Variants in NUP42 observed in about 807,000 individuals in gnomAD.
NUP42 encodes the protein nucleoporin NUP42.
NUP42 carries 47 observed loss-of-function variants against 35.9 expected under a neutral mutation model. That is an observed-to-expected ratio of 1.31 (90% CI 1.04 to 1.67). The LOEUF is 1.67. Ranked by LOEUF, NUP42 falls within the 40% of genes most tolerant of loss-of-function variation. The pLI, the probability that NUP42 is intolerant of heterozygous loss-of-function variation, is 0.00. For missense variants in NUP42, 514 were observed against 492.2 expected, an observed-to-expected ratio of 1.04 and a Z score of -0.42; for synonymous variants, 173 against 173.3, an observed-to-expected ratio of 1.00 and a Z score of 0.01.
chr7:23,200,338 G>A lies in NUP42; in HGVS notation c.865G>A (p.Gly289Arg), dbSNP rs1183806091. 6.2e-7 allele frequency: 1 copy of A among 1,610,530 alleles called. No individual in the cohort carries two copies. Residue 289 changes from glycine (G) to arginine (R), a missense_variant, in exon 7 of 7, where the codon GGA (glycine) becomes AGA (arginine). Gly to Arg is a moderately radical substitution (Grantham distance 125, BLOSUM62 -2). Coordinates refer to ENST00000258742, the MANE Select transcript of NUP42 (RefSeq NM_007342.3). ...TATCTCTACTTCTGCTCCAGCTTTT[G>A]GATTTGGGAAGCCTGAAGTCACATC... The part of the protein sequence containing the change: ...SGISTSAPAF[G>R]FGKPEVTSAA...
At chr7:23,193,055 A>C (rs1382249181) in intron 3 of NUP42, among the ~76,000 whole-genome samples, 1 of 151,612 alleles carries the variant, frequency 6.6e-6, no homozygotes, top group African/African-American at 2.4e-5. Context: ...CTTCGCGGTG[A>C]GTGTTACGGC....
intron 3 of NUP42, among the ~76,000 whole-genome samples, chr7:23,191,651 C>T (rs1019017398): frequency 2.0e-5 from 3 of 152,196 alleles, no homozygotes; most frequent in African/African-American, 2.4e-5. Context: ...ATATCTTGAA[C>T]ATTTTTTGCC....
intron 5 of NUP42, chr7:23,197,285 G>A: frequency 1.0e-6 from 1 of 971,292 alleles, no homozygotes; most frequent in Non-Finnish European, 1.4e-6. Flanking sequence ...CCATTAAAAA[G>A]TTCTTAAGAA....
chr7:23,200,160 G>A lies in NUP42; in HGVS notation c.695-8G>A. The A allele has an allele frequency of 6.6e-7, 1 of 1,523,812 alleles. No individual in the cohort carries two copies. Among genetic ancestry groups the A allele is most frequent in the East Asian group, 2.3e-5 (1 of 43,884 alleles). The allele number at this position is 1,523,812 out of a possible 1,614,324, so 94.4% of individuals were successfully genotyped here. A position where few individuals can be genotyped will look rare whatever the true frequency, so the allele number is the denominator to read the frequency against. The stretch of plus-strand genomic sequence containing the variant: ...TGTTGTTTTTTTTGTTGTTGTTGTT[G>A]TTTGTAGGCTTTCCAGTCAATAACA... On this transcript the variant is annotated splice_region_variant and splice_polypyrimidine_tract_variant and intron_variant, in intron 6 of 6. Transcript: ENST00000258742.
At position 23,200,572 on chromosome 7, in the gene NUP42, A is replaced by C. The variant is rs144623568; in HGVS notation, c.1099A>C (p.Ser367Arg). ...SKPSSDTFGNSSISTSLSASS... is the reference protein window; with the variant it reads ...SKPSSDTFGNRSISTSLSASS... ...GCCATCCAGTGACACTTTTGGAAAT[A>C]GCAGCATATCCACTTCTCTGTCAGC... is the stretch of plus-strand genomic sequence containing the variant. Residue 367 changes from serine to arginine, a missense_variant, in exon 7 of 7, where the codon AGC becomes CGC. Coordinates refer to ENST00000258742, the MANE Select transcript of NUP42 (RefSeq NM_007342.3). 94 of 1,614,192 alleles carry C rather than the reference A, an allele frequency of 5.8e-5. No homozygotes were observed. Among genetic ancestry groups the C allele is most frequent in the Non-Finnish European group, 7.8e-5 (92 of 1,180,032 alleles).
rs369470475 is a variant in NUP42, at chr7:23,200,319, T to C, written c.846T>C (p.Ser282=). 3 of 1,606,098 alleles carry C rather than the reference T, an allele frequency of 1.9e-6. No homozygotes were observed. Among genetic ancestry groups the C allele is most frequent in the Non-Finnish European group, 2.6e-6 (3 of 1,175,206 alleles). The stretch of plus-strand genomic sequence containing the variant: ...CAGCCTCTACCAGTTCAGGTATCTC[T>C]ACTTCTGCTCCAGCTTTTGGATTTG... ...GAAASTSSGI[S]TSAPAFGFGK... is the part of the protein sequence containing the mutation. The change falls in exon 7 of 7, where the codon TCT becomes TCC. Residue 282 remains serine (S), a synonymous_variant. Transcript: ENST00000258742.
intron 5 of NUP42, chr7:23,198,202 A>ATTTTTT (rs1554296929): frequency 9.3e-6 from 1 of 107,178 alleles, no homozygotes; most frequent in African/African-American, 4.7e-5. Context: ...AAACAAAAGC[A>ATTTTTT]TTCTTTTTTT....
At chr7:23,198,650 A>G (rs991497707) in intron 5 of NUP42, among the ~76,000 whole-genome samples, 2 of 152,260 alleles carry the variant, frequency 1.3e-5, no homozygotes, top group African/African-American at 4.8e-5. Flanking sequence ...GATGAAAGAC[A>G]TTTCTAGAGC....
intron 6 of NUP42, 97 bp downstream of exon 6, chr7:23,199,639 C>T (rs1252764987): frequency 1.4e-5 from 14 of 1,020,808 alleles, no homozygotes; most frequent in South Asian, 6.5e-5. Flanking sequence ...AAATTACCTT[C>T]GTAAATTCTA....
rs1172738995 is a variant in NUP42, at chr7:23,198,205, C to CTTTTTTTTTTTTTTT, written c.610-1242_610-1228dup. On this transcript the variant is annotated intron_variant, in intron 5 of 6. Transcript: ENST00000258742. The stretch of plus-strand genomic sequence containing the variant: ...TTGCAGTCTCAAAAACAAAAGCATT[C>CTTTTTTTTTTTTTTT]TTTTTTTTTTTTTTTTTTTTTTTTT... 1.0e-3 allele frequency: 77 copies of CTTTTTTTTTTTTTTT among 73,674 alleles called. 7 individuals carry two copies. Among genetic ancestry groups the CTTTTTTTTTTTTTTT allele is most frequent in the African/African-American group, 4.6e-3 (76 of 16,390 alleles). 4.6% of individuals were successfully genotyped at this position (73,674 alleles called of 1,614,324 possible).
intron 3 of NUP42, among the ~76,000 whole-genome samples, chr7:23,191,602 G>A (rs1480633908): frequency 1.3e-5 from 2 of 152,202 alleles, no homozygotes; most frequent in African/African-American, 2.4e-5. Flanking sequence ...TGTCCTTGGA[G>A]TTAATAATAA....
At chr7:23,191,827 G>A (rs1200454455) in intron 3 of NUP42, among the ~76,000 whole-genome samples, 2 of 152,012 alleles carry the variant, frequency 1.3e-5, no homozygotes, top group Non-Finnish European at 2.9e-5. Flanking sequence ...CTCTACCAGG[G>A]TGTGGTGGCA....
rs1228125540 is a variant in NUP42, at chr7:23,187,177, T to C, written c.445+31T>C. On this transcript the variant is annotated intron_variant, in intron 3 of 6. Transcript: ENST00000258742. ...TGAAAAATTGTGCATTTTTAAAGTA[T>C]GTTCTAAAACTATTATTTTCTAAAA... is the stretch of plus-strand genomic sequence containing the variant. 2.8e-6 allele frequency: 4 copies of C among 1,436,052 alleles called. 1 individual carries two copies. The highest frequency in any genetic ancestry group is 3.9e-6 in the Non-Finnish European group (4 of 1,032,202). The allele number at this position is 1,436,052 out of a possible 1,614,324, so 89.0% of individuals were successfully genotyped here.
chr7:23,195,596 G>A (rs1785985229), intron 3 of NUP42: 1 of 347,886 alleles, frequency 2.9e-6, no homozygotes, highest in South Asian at 5.7e-5. Context: ...TGTGTTTGTT[G>A]TTCATTCTAC....
At chr7:23,200,007 G>T (rs1175936473) in intron 6 of NUP42, among the ~76,000 whole-genome samples, 161 bp from the exon 7 acceptor site, 4 of 152,092 alleles carry the variant, frequency 2.6e-5, no homozygotes, top group African/African-American at 9.7e-5. Flanking sequence ...GGTAGTTCTA[G>T]CCTCTCATTT....
Position 23,200,611 on chromosome 7 carries a change from A to C in NUP42, c.1138A>C (p.Ile380Leu). 6.2e-7 allele frequency: 1 copy of C among 1,614,220 alleles called. No homozygotes were observed. Among genetic ancestry groups the C allele is most frequent in the Non-Finnish European group, 8.5e-7 (1 of 1,180,034 alleles). ...STSLSASSSIIATDNVLFTPR... is the reference protein window; with the variant it reads ...STSLSASSSILATDNVLFTPR... ...TTCTCTGTCAGCCTCAAGCAGCATCATTGCAACAGATAATGTGTTATTCAC... is the reference window on the plus strand; with the variant it reads ...TTCTCTGTCAGCCTCAAGCAGCATCCTTGCAACAGATAATGTGTTATTCAC... Residue 380 changes from isoleucine (I) to leucine (L), a missense_variant, in exon 7 of 7, where the codon ATT (isoleucine) becomes CTT (leucine). Transcript: ENST00000258742.
intron 3 of NUP42, among the ~76,000 whole-genome samples, chr7:23,187,599 CTTTTTTTT>C (rs11446033): frequency 1.8e-4 from 15 of 84,834 alleles, no homozygotes; most frequent in Non-Finnish European, 3.3e-4. Flanking sequence ...GGGATAGCAA[CTTTTTTTT>C]TTTTTTTTTT....
rs1232418741 is a variant in NUP42, at chr7:23,182,225, C to T, written c.121+19C>T. 2 of 1,591,994 alleles carry T rather than the reference C, an allele frequency of 1.3e-6. No homozygotes were observed. The highest frequency in any genetic ancestry group is 1.3e-5 in the African/African-American group (1 of 74,384). ...CCTTCAGGTGACTCTCCTCTGAATC[C>T]TCCGCGGTAACCGAGCCGGGAAGGG... On this transcript the variant is annotated intron_variant, in intron 1 of 6. Coordinates refer to ENST00000258742, the MANE Select transcript of NUP42 (RefSeq NM_007342.3).
chr7:23,191,748 G>A (rs1325641136), intron 3 of NUP42, among the ~76,000 whole-genome samples: 1 of 152,168 alleles, frequency 6.6e-6, no homozygotes, highest in Non-Finnish European at 1.5e-5. Context: ...CACTTTGGGA[G>A]GCTGAGGCAG....
Sources: gnomAD v4.1 joint callset for allele counts (sites outside exome capture counted in the v4.1 genomes callset) on GRCh38, gnomAD v4.1.1 for gene constraint, MANE v1.5 for transcripts, NCBI Gene and HGNC (gene_info 2026-07-23, HGNC 2026-07-21) for gene names.